THY1: variants seen among roughly 807,000 people sequenced by gnomAD.
THY1 encodes the protein Thy-1 cell surface antigen, also known as thy-1 membrane glycoprotein.
THY1 carries 10 observed loss-of-function variants against 14.9 expected under a neutral mutation model. That is an observed-to-expected ratio of 0.67 (90% CI 0.41 to 1.14). The LOEUF (loss-of-function observed/expected upper bound fraction) is 1.14, where lower values mean the gene tolerates loss of function less well. THY1 is among the 50% of genes most tolerant of loss of function. The pLI is 0.00. For synonymous variants in THY1, 80 were observed against 90.0 expected, an observed-to-expected ratio of 0.89 and a Z score of 0.63; for missense variants, 159 against 202.1, an observed-to-expected ratio of 0.79 and a Z score of 1.29.
At chr11:119,421,670 G>A (rs1054273808) in intron 1 of THY1, 2 of 152,348 alleles carry the variant, frequency 1.3e-5, no homozygotes, top group Admixed American at 6.5e-5. Flanking sequence ...CTTCATATAC[G>A]TGAGACACAA....
At position 119,415,785 on chromosome 11, in the gene THY1, A is replaced by G. The variant is rs1457150551; in HGVS notation, c.*3623T>C. Among the ~76,000 whole-genome samples, 1 of 152,136 alleles carries G rather than the reference A, an allele frequency of 6.6e-6. No homozygotes were observed. Among genetic ancestry groups the G allele is most frequent in the African/African-American group, 2.4e-5 (1 of 41,426 alleles). On this transcript the variant is annotated 3_prime_UTR_variant, in exon 4 of 4. Transcript: ENST00000284240. The stretch of plus-strand genomic sequence containing the variant: ...GTGTTGGGGACATTCCAGGCCTGAG[A>G]GTGTCCTGAGGCTGAGAGCCCCTGT...
In THY1 at chr11:119,419,427, G is replaced by A. The variant is rs533696940; in HGVS notation, c.467C>T (p.Thr156Met). Residue 156 changes from threonine (T) to methionine (M), a missense_variant, in exon 4 of 4, where the codon ACG becomes ATG. By Grantham distance (81) the Thr-to-Met change is moderately conservative (BLOSUM62 -1). Coordinates refer to ENST00000284240, the MANE Select transcript of THY1 (RefSeq NM_006288.5). ...LLLSLSLLQA[T>M]DFMSL ...CACCAGTCACAGGGACATGAAATCCGTGGCCTGGAGGAGGGAGAGGGAGAG... is the reference window on the plus strand; with the variant it reads ...CACCAGTCACAGGGACATGAAATCCATGGCCTGGAGGAGGGAGAGGGAGAG... 88 of 1,614,062 alleles carry A rather than the reference G, an allele frequency of 5.5e-5. No individual in the cohort carries two copies. In the South Asian group the frequency reaches 8.0e-4, roughly 15 times the overall value.
Position 119,417,062 on chromosome 11 carries a change from T to C in THY1, c.*2346A>G, listed in dbSNP as rs1446030359. On this transcript the variant is annotated 3_prime_UTR_variant, in exon 4 of 4. Coordinates refer to ENST00000284240, the MANE Select transcript of THY1 (RefSeq NM_006288.5). ...TCCTTCCAGAAATACCTCCATACTC[T>C]TTTACTATCCTGAGGGTGGGGCACC... is the stretch of plus-strand genomic sequence containing the variant. 6.6e-6 allele frequency among the ~76,000 whole-genome samples: 1 copy of C among 152,244 alleles called. No homozygotes were observed. Among genetic ancestry groups the C allele is most frequent in the East Asian group, 1.9e-4 (1 of 5,204 alleles).
intron 3 of THY1, 52 bp from the exon 4 acceptor site, chr11:119,419,572 G>A: frequency 1.4e-6 from 2 of 1,479,424 alleles, no homozygotes; most frequent in Non-Finnish European, 1.9e-6. Context: ...GACGGATCAG[G>A]ACTCAGGCAG....
In THY1 at chr11:119,422,687, G is replaced by A. The variant is rs3138089; in HGVS notation, c.-25+426C>T. 0.24 allele frequency: 49,968 copies of A among 208,190 alleles called. 6,815 individuals are homozygous for A. The highest frequency in any genetic ancestry group is 0.31 in the Admixed American group (5,571 of 17,722). 12.9% of individuals were successfully genotyped at this position (208,190 alleles called of 1,614,324 possible). ...TCCTCCGGTGCCCCGCACCCAGCCC[G>A]CCGCGAGGTCACCCGGCAGATTCCC... On this transcript the variant is annotated intron_variant, in intron 1 of 3. Transcript: ENST00000284240. The surrounding 1 kb of genome is among the most constrained non-coding windows in gnomAD (Gnocchi z 7.0).
In THY1 at chr11:119,417,440, T is replaced by C. The variant is rs929129246; in HGVS notation, c.*1968A>G. On this transcript the variant is annotated 3_prime_UTR_variant, in exon 4 of 4. Coordinates refer to ENST00000284240, the MANE Select transcript of THY1 (RefSeq NM_006288.5). ...AACAATCATCCTACCCAGTGCTAAA[T>C]ATCAGATGAGTCAGCCTCTGGGCAG... is the stretch of plus-strand genomic sequence containing the variant. The C allele has an allele frequency of 2.6e-5, 4 of 152,184 alleles. No homozygotes were observed. The highest frequency in any genetic ancestry group is 5.9e-5 in the Non-Finnish European group (4 of 68,038). 9.4% of individuals were successfully genotyped at this position (152,184 alleles called of 1,614,324 possible).
upstream of THY1, among the ~76,000 whole-genome samples, chr11:119,424,674 C>T (rs1861982799): frequency 6.6e-6 from 1 of 152,156 alleles, no homozygotes; most frequent in Non-Finnish European, 1.5e-5. Context: ...CACCTAGGAC[C>T]TCCTTAATCT....
rs749048084 is a variant in THY1, at chr11:119,419,472, G to A, written c.422C>T (p.Ser141Leu). 8 of 1,613,702 alleles carry A rather than the reference G, an allele frequency of 5.0e-6. No individual in the cohort carries two copies. Among genetic ancestry groups the A allele is most frequent in the South Asian group, 1.1e-5 (1 of 91,048 alleles). Residue 141 changes from serine to leucine, a missense_variant, in exon 4 of 4, where the codon TCG becomes TTG. Physicochemically the swap from Ser to Leu is moderately radical, Grantham distance 145 (BLOSUM62 -2). Coordinates refer to ENST00000284240, the MANE Select transcript of THY1 (RefSeq NM_006288.5). ...EGISLLAQNTSWLLLLLLSLS... is the reference protein window; with the variant it reads ...EGISLLAQNTLWLLLLLLSLS... ...GGAGAGCAGGAGCAGCAGCAGCCAC[G>A]AGGTGTTCTGAGCCAGCAGGCTGAT...
Position 119,419,338 on chromosome 11 carries a change from G to T in THY1, c.*70C>A. 1.4e-6 allele frequency: 2 copies of T among 1,393,546 alleles called. No homozygotes were observed. Among genetic ancestry groups the T allele is most frequent in the East Asian group, 2.4e-5 (1 of 41,784 alleles). 86.3% of individuals were successfully genotyped at this position (1,393,546 alleles called of 1,614,324 possible). A position where few individuals can be genotyped will look rare whatever the true frequency, so the allele number is the denominator to read the frequency against. On this transcript the variant is annotated 3_prime_UTR_variant, in exon 4 of 4. Coordinates refer to ENST00000284240, the MANE Select transcript of THY1 (RefSeq NM_006288.5). Reference sequence around the variant, plus strand: ...TTGAGGGATTGGGGGGAGGGGGTCAGCTGACTCAGAGAAGTAGGATCTCTG... The same window carrying T: ...TTGAGGGATTGGGGGGAGGGGGTCATCTGACTCAGAGAAGTAGGATCTCTG...
chr11:119,420,468 C>T, intron 2 of THY1, 82 bp from the exon 3 acceptor site: 1 of 1,361,324 alleles, frequency 7.3e-7, no homozygotes, highest in Non-Finnish European at 9.8e-7. Context: ...AGAGATGGGC[C>T]TGGCTAGGGA....
In THY1 at chr11:119,419,470, A is replaced by G; in HGVS notation, c.424T>C (p.Trp142Arg). The G allele has an allele frequency of 6.2e-7, 1 of 1,613,904 alleles. No homozygotes were observed. Among genetic ancestry groups the G allele is most frequent in the East Asian group, 2.2e-5 (1 of 44,866 alleles). The change falls in exon 4 of 4, where the codon TGG (tryptophan) becomes CGG (arginine). Residue 142 changes from tryptophan to arginine, a missense_variant. Coordinates refer to ENST00000284240, the MANE Select transcript of THY1 (RefSeq NM_006288.5). ...AGGGAGAGCAGGAGCAGCAGCAGCCACGAGGTGTTCTGAGCCAGCAGGCTG... is the reference window on the plus strand; with the variant it reads ...AGGGAGAGCAGGAGCAGCAGCAGCCGCGAGGTGTTCTGAGCCAGCAGGCTG... ...GISLLAQNTS[W>R]LLLLLLSLSL...
At chr11:119,419,920 C>T (rs1861862852) in intron 3 of THY1, 131 bp downstream of exon 3, 3 of 1,017,954 alleles carry the variant, frequency 2.9e-6, no homozygotes, top group Middle Eastern at 3.0e-4. Flanking sequence ...CCCCAGTTGA[C>T]CAGGCAGCAG....
chr11:119,419,761 G>T, intron 3 of THY1: 1 of 597,576 alleles, frequency 1.7e-6, no homozygotes, highest in Non-Finnish European at 3.0e-6. Context: ...AAGAAAACTG[G>T]CTGAGGGAGG....
Position 119,420,813 on chromosome 11 carries a change from C to T in THY1, c.37+56G>A, listed in dbSNP as rs1259509058. On this transcript the variant is annotated intron_variant, in intron 2 of 3. Coordinates refer to ENST00000284240, the MANE Select transcript of THY1 (RefSeq NM_006288.5). The stretch of plus-strand genomic sequence containing the variant: ...AGACTGTGAGGGAGAAGCTGCTTCT[C>T]TGGAGGGAAGGAAGCCAGGGCGCCT... 2.5e-6 allele frequency: 4 copies of T among 1,607,452 alleles called. No homozygotes were observed. The African/African-American group carries it at 5.4e-5, about 22-fold the overall frequency.
chr11:119,419,544 G>T, intron 3 of THY1, 24 bp from the exon 4 acceptor site: 1 of 1,595,066 alleles, frequency 6.3e-7, no homozygotes, highest in South Asian at 1.1e-5. Flanking sequence ...AGGGGGCCGG[G>T]GGCAGGGTAG....
intron 3 of THY1, 39 bp from the exon 4 acceptor site, chr11:119,419,559 G>A (rs1227375601): frequency 6.4e-7 from 1 of 1,562,550 alleles, no homozygotes; most frequent in Non-Finnish European, 8.8e-7. Context: ...GGGTAGGAAG[G>A]AAGACGGATC....
At chr11:119,421,214 C>T (rs1239147975) in intron 1 of THY1, 2 of 331,302 alleles carry the variant, frequency 6.0e-6, no homozygotes, top group East Asian at 5.2e-5. Context: ...CACTCTTTCT[C>T]CTCTTCTTAC....
At position 119,416,517 on chromosome 11, in the gene THY1, C is replaced by T. The variant is rs180903776; in HGVS notation, c.*2891G>A. ...TGAGATGGAGTCTCACTCTATCTCC[C>T]AGGCTGGAGTGCAGTGGTGCAATCT... On this transcript the variant is annotated 3_prime_UTR_variant, in exon 4 of 4. Coordinates refer to ENST00000284240, the MANE Select transcript of THY1 (RefSeq NM_006288.5). 2.0e-4 allele frequency among the ~76,000 whole-genome samples: 30 copies of T among 152,258 alleles called. No individual in the cohort carries two copies. The highest frequency in any genetic ancestry group is 5.2e-4 in the Admixed American group (8 of 15,298).
chr11:119,417,160 G>A lies in THY1; in HGVS notation c.*2248C>T, dbSNP rs1188884682. Reference sequence around the variant, plus strand: ...TCACCAAGATGCCTTTCCTTGGCACGGCGCTTGCAGCCCAAGCAGGGCTGA... The same window carrying A: ...TCACCAAGATGCCTTTCCTTGGCACAGCGCTTGCAGCCCAAGCAGGGCTGA... On this transcript the variant is annotated 3_prime_UTR_variant, in exon 4 of 4. Coordinates refer to ENST00000284240, the MANE Select transcript of THY1 (RefSeq NM_006288.5). 6.6e-6 allele frequency among the ~76,000 whole-genome samples: 1 copy of A among 152,208 alleles called. No individual in the cohort carries two copies. The highest frequency in any genetic ancestry group is 2.4e-5 in the African/African-American group (1 of 41,452).
Sources: gnomAD v4.1 joint callset for allele counts (sites outside exome capture counted in the v4.1 genomes callset) on GRCh38, gnomAD v4.1.1 for gene constraint, Gnocchi (gnomAD v3.1) non-coding constraint, MANE v1.5 for transcripts, NCBI Gene and HGNC (gene_info 2026-07-23, HGNC 2026-07-21) for gene names.